Variants in CHD6 observed in about 807,000 individuals in gnomAD.
The protein encoded by CHD6 is ATP-dependent chromatin remodeler CHD6.
CHD6 carries 50 observed loss-of-function variants against 276.9 expected under a neutral mutation model. The observed-to-expected ratio is 0.18, with a 90% CI of 0.14 to 0.23. The LOEUF (loss-of-function observed/expected upper bound fraction) is 0.23, where lower values mean the gene tolerates loss of function less well. Among genes scored for constraint, CHD6 ranks in the 10% least tolerant of loss-of-function variants. The pLI, the probability that CHD6 is intolerant of heterozygous loss-of-function variation, is 1.00. For missense variants in CHD6, 2,564 were observed against 3,365.8 expected (o/e 0.76, Z 5.89); for synonymous variants, 1,173 against 1,229.3 (o/e 0.95, Z 0.96).
Position 41,615,854 on chromosome 20 carries a change from C to T in CHD6, c.-24+2486G>A, listed in dbSNP as rs148699331. On this transcript the variant is annotated intron_variant, in intron 1 of 36. Coordinates refer to ENST00000373233, the MANE Select transcript of CHD6 (RefSeq NM_032221.5). ...TAACACAGGAAGACATAACCACAAA[C>T]GCTGCTTCGGGCAAAGCCATACTTC... Among the ~76,000 whole-genome samples, 1,363 of 152,314 alleles carry T rather than the reference C, an allele frequency of 8.9e-3. 25 individuals are homozygous for T. Among genetic ancestry groups the T allele is most frequent in the African/African-American group, 0.031 (1,291 of 41,556 alleles).
intron 17 of CHD6, among the ~76,000 whole-genome samples, chr20:41,471,636 T>C (rs1177268708): frequency 1.3e-5 from 2 of 151,918 alleles, no homozygotes; most frequent in Non-Finnish European, 2.9e-5. Context: ...CGTGGGTTCA[T>C]GCCATTCTCC....
chr20:41,456,507 T>C (rs2048381740), intron 18 of CHD6, among the ~76,000 whole-genome samples: 1 of 152,140 alleles, frequency 6.6e-6, no homozygotes, highest in Non-Finnish European at 1.5e-5. Context: ...TTTCTGGTTC[T>C]AATTAAGAAT....
At chr20:41,419,472 T>C (rs567039809) in intron 31 of CHD6, among the ~76,000 whole-genome samples, 45 of 142,878 alleles carry the variant, frequency 3.1e-4, no homozygotes, top group Admixed American at 3.0e-4. Context: ...GCTTGGGATG[T>C]TGAACCCAGG....
At chr20:41,577,105 T>C (rs1160632110) in intron 1 of CHD6, among the ~76,000 whole-genome samples, 4 of 152,158 alleles carry the variant, frequency 2.6e-5, no homozygotes, top group Non-Finnish European at 4.4e-5. Flanking sequence ...GATACATTAC[T>C]TCAACAACAA....
chr20:41,404,053 T>G lies in CHD6; in HGVS notation c.*540A>C, dbSNP rs2046601099. On this transcript the variant is annotated 3_prime_UTR_variant, in exon 37 of 37. Transcript: ENST00000373233. ...GAATATATGTATTTTCAACCATTAG[T>G]TATATACTTCTGTCTATACTACTCA... 9.6e-7 allele frequency: 1 copy of G among 1,046,058 alleles called. No homozygotes were observed. The highest frequency in any genetic ancestry group is 1.7e-5 in the African/African-American group (1 of 60,178). The allele number at this position is 1,046,058 out of a possible 1,614,324, so 64.8% of individuals were successfully genotyped here.
chr20:41,483,647 T>C (rs1339722600), intron 15 of CHD6, 128 bp from the exon 16 acceptor site: 1 of 670,024 alleles, frequency 1.5e-6, no homozygotes, highest in African/African-American at 1.8e-5. Flanking sequence ...AGTGAGGAGA[T>C]GCTGGGTGCA....
chr20:41,540,055 C>T (rs1239672118), intron 2 of CHD6, among the ~76,000 whole-genome samples: 1 of 152,144 alleles, frequency 6.6e-6, no homozygotes, highest in Non-Finnish European at 1.5e-5. Context: ...CTGGGTGATA[C>T]GACTGTGGGC....
At chr20:41,580,408 T>G (rs1224620686) in intron 1 of CHD6, among the ~76,000 whole-genome samples, 1 of 152,008 alleles carries the variant, frequency 6.6e-6, no homozygotes, top group African/African-American at 2.4e-5. Flanking sequence ...ACCCCTGTAA[T>G]CCTAGCACTT....
At chr20:41,528,650 A>G (rs955455812) in intron 3 of CHD6, among the ~76,000 whole-genome samples, 3 of 152,202 alleles carry the variant, frequency 2.0e-5, no homozygotes, top group Admixed American at 6.5e-5. Flanking sequence ...GGGAGACCCC[A>G]TCTCTAAAAA....
chr20:41,416,629 T>C lies in CHD6; in HGVS notation c.6445A>G (p.Ser2149Gly), dbSNP rs1259454714. ...GCCAATGCTGCGCCGTTGCTGAAGC[T>C]GTGTTCTGCTGCTTCCGGCTCTGAG... The part of the protein sequence containing the change: ...SLSEPEAAEH[S>G]FSNGAALAAQ... Residue 2149 changes from serine (S) to glycine (G), a missense_variant, in exon 33 of 37, where the codon AGC becomes GGC. Physicochemically the swap from Ser to Gly is moderately conservative, Grantham distance 56 (BLOSUM62 0). Around this residue, in one of 7 missense-constraint regions of CHD6, gnomAD observed 1,024 missense variants for 1,047.9 expected, o/e 0.98. Transcript: ENST00000373233. The C allele has an allele frequency of 6.2e-7, 1 of 1,613,806 alleles. No homozygotes were observed. Among genetic ancestry groups the C allele is most frequent in the South Asian group, 1.1e-5 (1 of 91,054 alleles).
At chr20:41,566,539 C>A (rs1051941288) in intron 1 of CHD6, among the ~76,000 whole-genome samples, 6 of 152,178 alleles carry the variant, frequency 3.9e-5, no homozygotes, top group Non-Finnish European at 5.9e-5. Flanking sequence ...GGTCCCCTAA[C>A]CAAACCTCCA....
At position 41,452,603 on chromosome 20, in the gene CHD6, C is replaced by G. The variant is rs981484440; in HGVS notation, c.3323+137G>C. ...GATTCTGGGCAGAAGGCACAGTTCT[C>G]TCTTGCTCCAACAGATCCCCCTTTG... On this transcript the variant is annotated intron_variant, in intron 21 of 36. Transcript: ENST00000373233. The surrounding 1 kb of genome is among the most constrained non-coding windows in gnomAD (Gnocchi z 4.2). The G allele has an allele frequency of 1.3e-6, 1 of 749,756 alleles. No homozygotes were observed. The highest frequency in any genetic ancestry group is 2.2e-6 in the Non-Finnish European group (1 of 459,966). The allele number at this position is 749,756 out of a possible 1,614,324, so 46.4% of individuals were successfully genotyped here.
In CHD6 at chr20:41,409,328, C is replaced by T. The variant is rs567614497; in HGVS notation, c.7251+2816G>A. 1.0e-3 allele frequency among the ~76,000 whole-genome samples: 154 copies of T among 152,314 alleles called. No individual in the cohort carries two copies. In the Middle Eastern group the frequency reaches 0.014, roughly 13 times the overall value. On this transcript the variant is annotated intron_variant, in intron 36 of 36. Transcript: ENST00000373233. Reference sequence around the variant, plus strand: ...TGGTAATTATACCCTGGGAGCAAACCTGCTTCCCCTTCCAGGAAAGGCCTG... The same window carrying T: ...TGGTAATTATACCCTGGGAGCAAACTTGCTTCCCCTTCCAGGAAAGGCCTG...
chr20:41,407,680 G>C (rs2046719334), intron 36 of CHD6, among the ~76,000 whole-genome samples: 1 of 152,238 alleles, frequency 6.6e-6, no homozygotes, highest in South Asian at 2.1e-4. Context: ...CTCATGGGCT[G>C]TAAGAACACA....
In CHD6 at chr20:41,481,112, GAA is replaced by G. The variant is rs377588953; in HGVS notation, c.2468+2195_2468+2196del. ...AGAGCGAGACATTGTCTCAGAAAAAGAAAAAAAAATATATATATATATACACT... is the reference window on the plus strand; with the variant it reads ...AGAGCGAGACATTGTCTCAGAAAAAGAAAAAAATATATATATATATACACT... On this transcript the variant is annotated intron_variant, in intron 16 of 36. Coordinates refer to ENST00000373233, the MANE Select transcript of CHD6 (RefSeq NM_032221.5). Among the ~76,000 whole-genome samples, 157 of 147,382 alleles carry G rather than the reference GAA, an allele frequency of 1.1e-3. 1 individual carries two copies. Among genetic ancestry groups the G allele is most frequent in the African/African-American group, 2.9e-3 (116 of 40,376 alleles).
intron 1 of CHD6, among the ~76,000 whole-genome samples, chr20:41,560,047 G>A (rs1328933717): frequency 2.0e-5 from 3 of 151,710 alleles, no homozygotes; most frequent in South Asian, 2.1e-4. Flanking sequence ...CTCTCCAGTC[G>A]ACTCCGGTTT....
intron 3 of CHD6, among the ~76,000 whole-genome samples, chr20:41,525,930 A>G (rs756685074): frequency 6.6e-6 from 1 of 152,188 alleles, no homozygotes; most frequent in Admixed American, 6.5e-5. Context: ...CAAATTCATA[A>G]AAGTACCTCA....
intron 1 of CHD6, among the ~76,000 whole-genome samples, chr20:41,611,994 T>A (rs982423391): frequency 6.6e-6 from 1 of 152,160 alleles, no homozygotes; most frequent in Non-Finnish European, 1.5e-5. Context: ...ACACTTTGAT[T>A]AGTGAAGAAG....
intron 3 of CHD6, among the ~76,000 whole-genome samples, chr20:41,515,356 C>G (rs2044224855): frequency 6.6e-6 from 1 of 152,150 alleles, no homozygotes; most frequent in South Asian, 2.1e-4. Flanking sequence ...CTATTGAGTA[C>G]ACGCTGGACC....
Sources: allele counts gnomAD v4.1 joint callset (sites outside exome capture counted in the v4.1 genomes callset), GRCh38; gene constraint gnomAD v4.1.1; regional missense constraint gnomAD v4.1.1; non-coding constraint Gnocchi (gnomAD v3.1); transcripts MANE v1.5; gene names NCBI Gene and HGNC (gene_info 2026-07-23, HGNC 2026-07-21).